ESPN: variants seen among roughly 807,000 people sequenced by gnomAD.
ESPN encodes the protein autosomal recessive deafness type 36 protein.
In ESPN, 68 loss-of-function variants were observed where a neutral mutation model predicts 77.7. The ratio of observed to expected loss-of-function variants is 0.87; its 90% confidence interval spans 0.72 to 1.07. The LOEUF (loss-of-function observed/expected upper bound fraction) is 1.07. ESPN is among the 50% of genes least tolerant of loss of function. ESPN has a pLI of 0.00. For synonymous variants in ESPN, 449 were observed against 567.1 expected (o/e 0.79, Z 2.96); for missense variants, 1,060 against 1,239.0 (o/e 0.86, Z 2.17).
intron 12 of ESPN, among the ~76,000 whole-genome samples, chr1:6,458,472 C>A (rs185215208): frequency 1.3e-3 from 195 of 151,376 alleles, no homozygotes; most frequent in African/African-American, 4.4e-3. Context: ...CCCGCCACCA[C>A]GCCCGGCTAA....
At position 6,450,832 on chromosome 1, in the gene ESPN, C is replaced by T. The variant is rs1429617349; in HGVS notation, c.1916-771C>T. On this transcript the variant is annotated intron_variant, in intron 8 of 12. Coordinates refer to ENST00000645284, the MANE Select transcript of ESPN (RefSeq NM_031475.3). This position sits in a 1 kb window ranked among gnomAD's most constrained non-coding sequence, Gnocchi z 4.3. ...CCCATTTTATTCCTCCCTCCCAGACCTGACCCCTTCATCGGGGCTCAAGAG... is the reference window on the plus strand; with the variant it reads ...CCCATTTTATTCCTCCCTCCCAGACTTGACCCCTTCATCGGGGCTCAAGAG... Among the ~76,000 whole-genome samples, 1 of 152,180 alleles carries T rather than the reference C, an allele frequency of 6.6e-6. No individual in the cohort carries two copies. The highest frequency in any genetic ancestry group is 2.4e-5 in the African/African-American group (1 of 41,428).
At chr1:6,454,723 C>G in intron 10 of ESPN, 1 of 398,330 alleles carries the variant, frequency 2.5e-6, no homozygotes, top group Non-Finnish European at 4.4e-6. Context: ...AGCCTGCCCG[C>G]CTGGTGCAGC....
chr1:6,446,354 G>A (rs1643840028), intron 7 of ESPN, among the ~76,000 whole-genome samples: 1 of 152,240 alleles, frequency 6.6e-6, no homozygotes, highest in South Asian at 2.1e-4. Flanking sequence ...CTGCCAGGTG[G>A]AAGGTGCCAG....
At position 6,425,261 on chromosome 1, in the gene ESPN, C is replaced by G; in HGVS notation, c.294+12C>G. On this transcript the variant is annotated intron_variant, in intron 1 of 12. Transcript: ENST00000645284. ...GCTGCAGAGTGCAGGTGGGTCCGCGCGGTTCGCCAGGGGCACTGAGGCTTC... is the reference window on the plus strand; with the variant it reads ...GCTGCAGAGTGCAGGTGGGTCCGCGGGGTTCGCCAGGGGCACTGAGGCTTC... The G allele has an allele frequency of 6.4e-7, 1 of 1,567,516 alleles. No homozygotes were observed. The highest frequency in any genetic ancestry group is 8.6e-7 in the Non-Finnish European group (1 of 1,165,188).
rs1643918328 is a variant in ESPN at position 6,450,062 on chromosome 1, C to T, written c.1915+971C>T. 6.6e-6 allele frequency among the ~76,000 whole-genome samples: 1 copy of T among 152,202 alleles called. No homozygotes were observed. Among genetic ancestry groups the T allele is most frequent in the Non-Finnish European group, 1.5e-5 (1 of 68,030 alleles). ...ACCTGCCGAACCTCCTTCTTCCCTC[C>T]ACAGCCTGCAGCAGGGCTGAAGCTA... is the stretch of plus-strand genomic sequence containing the variant. On this transcript the variant is annotated intron_variant, in intron 8 of 12. Transcript: ENST00000645284. The surrounding 1 kb of genome is among the most constrained non-coding windows in gnomAD (Gnocchi z 4.3).
At position 6,457,447 on chromosome 1, in the gene ESPN, C is replaced by T. The variant is rs887551378; in HGVS notation, c.2417+75C>T. ...GCAGAGGGTCGTCCCTTCATCCAGG[C>T]CAATTTGAGTACATCCTCCTGTCTC... On this transcript the variant is annotated intron_variant, in intron 12 of 12. Coordinates refer to ENST00000645284, the MANE Select transcript of ESPN (RefSeq NM_031475.3). The T allele has an allele frequency of 2.5e-6, 4 of 1,578,890 alleles. No homozygotes were observed. The East Asian group carries it at 6.7e-5, about 26-fold the overall frequency.
At position 6,440,638 on chromosome 1, in the gene ESPN, G is replaced by C; in HGVS notation, c.688G>C (p.Asp230His). The C allele has an allele frequency of 1.2e-6, 1 of 838,678 alleles. No individual in the cohort carries two copies. The highest frequency in any genetic ancestry group is 1.7e-5 in the African/African-American group (1 of 57,186). The allele number at this position is 838,678 out of a possible 1,614,324, so 52.0% of individuals were successfully genotyped here. The change falls in exon 4 of 13, where the codon GAC becomes CAC. Residue 230 changes from aspartate (D) to histidine (H), a missense_variant. By Grantham distance (81) the Asp-to-His change is moderately conservative (BLOSUM62 -1). Coordinates refer to ENST00000645284, the MANE Select transcript of ESPN (RefSeq NM_031475.3). ...CCGTCCCGCCCAGGTGAGCTGCACC[G>C]ACGTGAGCCTGTCCGAGCAGGACAA... ...PVIVWLVSCT[D>H]VSLSEQDKDG...
Position 6,459,979 on chromosome 1 carries a change from C to T in ESPN, c.2418-20C>T, listed in dbSNP as rs373919355. On this transcript the variant is annotated intron_variant, in intron 12 of 12. Transcript: ENST00000645284. Reference sequence around the variant, plus strand: ...TGGCCCCAGACTTCACCGGGTCTGCCCCCCTCCCCACTGCCTCAGGAAAGA... The same window carrying T: ...TGGCCCCAGACTTCACCGGGTCTGCTCCCCTCCCCACTGCCTCAGGAAAGA... 254 of 1,613,148 alleles carry T rather than the reference C, an allele frequency of 1.6e-4. No individual in the cohort carries two copies. The African/African-American group carries it at 3.0e-3, about 19-fold the overall frequency.
chr1:6,440,995 C>T lies in ESPN; in HGVS notation c.920C>T (p.Thr307Met), dbSNP rs762014900. Residue 307 changes from threonine to methionine, a missense_variant, in exon 5 of 13, where the codon ACG (threonine) becomes ATG (methionine). By Grantham distance (81) the Thr-to-Met change is moderately conservative. This residue lies in a region of ESPN where 556 missense variants were observed against 633.6 expected (regional missense o/e 0.88). Coordinates refer to ENST00000645284, the MANE Select transcript of ESPN (RefSeq NM_031475.3). The part of the protein sequence containing the change: ...ELDVRDRDGY[T>M]AADLSDFNGH... Reference sequence around the variant, plus strand: ...GACGTCCGCGACCGCGACGGGTACACGGCCGCCGACCTGTCGGACTTCAAC... The same window carrying T: ...GACGTCCGCGACCGCGACGGGTACATGGCCGCCGACCTGTCGGACTTCAAC... 4 of 1,608,804 alleles carry T rather than the reference C, an allele frequency of 2.5e-6. No individual in the cohort carries two copies. Among genetic ancestry groups the T allele is most frequent in the Admixed American group, 1.7e-5 (1 of 59,626 alleles).
At chr1:6,430,400 G>A (rs375513475) in intron 2 of ESPN, among the ~76,000 whole-genome samples, 9 of 152,318 alleles carry the variant, frequency 5.9e-5, no homozygotes, top group East Asian at 5.8e-4. Context: ...GGACAGCCTC[G>A]GGGAAGCTCA....
Position 6,444,655 on chromosome 1 carries a change from A to C in ESPN, c.1165A>C (p.Ser389Arg). 6.2e-7 allele frequency: 1 copy of C among 1,614,186 alleles called. No individual in the cohort carries two copies. Residue 389 changes from serine to arginine, a missense_variant, in exon 6 of 13, where the codon AGC (serine) becomes CGC (arginine). Transcript: ENST00000645284. ...CGACTCCTGCTCCTCCAGCCACTCC[A>C]GCATCAAGGGCCAGCACCCTCCATG... is the stretch of plus-strand genomic sequence containing the variant. ...NYDSCSSSHS[S>R]IKGQHPPCGL...
In ESPN at chr1:6,451,418, AG is replaced by A. The variant is rs1480612015; in HGVS notation, c.1916-182del. On this transcript the variant is annotated intron_variant, in intron 8 of 12. Coordinates refer to ENST00000645284, the MANE Select transcript of ESPN (RefSeq NM_031475.3). The surrounding 1 kb of genome is among the most constrained non-coding windows in gnomAD (Gnocchi z 4.3). Reference sequence around the variant, plus strand: ...TGGGGTTGCCACAGTCAGGGAACCAAGGGCCCGCCTCTGGGGGCCCTGAAAC... The same window carrying A: ...TGGGGTTGCCACAGTCAGGGAACCAAGGCCCGCCTCTGGGGGCCCTGAAAC... 10 of 759,696 alleles carry A rather than the reference AG, an allele frequency of 1.3e-5. No individual in the cohort carries two copies. The Admixed American group carries it at 1.7e-4, about 13-fold the overall frequency. 47.1% of individuals were successfully genotyped at this position (759,696 alleles called of 1,614,324 possible).
In ESPN at chr1:6,444,688, TG is replaced by T. The variant is rs1275666456; in HGVS notation, c.1192+7del. 1.2e-6 allele frequency: 2 copies of T among 1,613,844 alleles called. No homozygotes were observed. Among genetic ancestry groups the T allele is most frequent in the East Asian group, 4.5e-5 (2 of 44,886 alleles). ...GGGCCAGCACCCTCCATGTGGTGAGTGTGCCCAGGAGGAAGACGGGGAGGGA... is the reference window on the plus strand; with the variant it reads ...GGGCCAGCACCCTCCATGTGGTGAGTTGCCCAGGAGGAAGACGGGGAGGGA... On this transcript the variant is annotated splice_region_variant and intron_variant, in intron 6 of 12. Transcript: ENST00000645284.
downstream of ESPN, chr1:6,461,258 C>A (rs1375746989): frequency 1.2e-6 from 1 of 830,952 alleles, no homozygotes; most frequent in Non-Finnish European, 2.0e-6. This position sits in a 1 kb window ranked among gnomAD's most constrained non-coding sequence, Gnocchi z 6.3. Flanking sequence ...TTCGTTCGTG[C>A]TTCTTCGCCT....
At position 6,424,783 on chromosome 1, in the gene ESPN, G is replaced by GGCGGA. The variant is rs1251432819; in HGVS notation, c.-164_-160dup. 4.2e-5 allele frequency: 28 copies of GGCGGA among 664,980 alleles called. No individual in the cohort carries two copies. Among genetic ancestry groups the GGCGGA allele is most frequent in the Non-Finnish European group, 5.8e-5 (28 of 482,244 alleles). 41.2% of individuals were successfully genotyped at this position (664,980 alleles called of 1,614,324 possible). ...TCCGCGGGCTCCGGCCCCAGAGCGC[G>GGCGGA]GCGGAGCGGAGCGCCAGGCAGCGCG... On this transcript the variant is annotated 5_prime_UTR_variant, in exon 1 of 13. Coordinates refer to ENST00000645284, the MANE Select transcript of ESPN (RefSeq NM_031475.3).
chr1:6,460,984 A>C (rs533147451), downstream of ESPN: 15 of 377,632 alleles, frequency 4.0e-5, no homozygotes, highest in African/African-American at 3.0e-4. Flanking sequence ...TCTCGGGGTA[A>C]TTGAGCCAGA....
At chr1:6,458,024 AAAAAAT>A (rs1256096086) in intron 12 of ESPN, among the ~76,000 whole-genome samples, 15 of 151,688 alleles carry the variant, frequency 9.9e-5, no homozygotes, top group African/African-American at 3.6e-4. Context: ...AAAAAAAAAA[AAAAAAT>A]TTTTTTTTGA....
At chr1:6,452,145 C>G (rs1209702071) in intron 10 of ESPN, 49 bp downstream of exon 10, 6 of 1,500,240 alleles carry the variant, frequency 4.0e-6, no homozygotes, top group Non-Finnish European at 5.3e-6. Flanking sequence ...CATCTGGATG[C>G]ACAGCCCATC....
chr1:6,451,891 C>G lies in ESPN; in HGVS notation c.2120C>G (p.Pro707Arg). Residue 707 changes from proline (P) to arginine (R), a missense_variant, in exon 10 of 13, where the codon CCG (proline) becomes CGG (arginine). Physicochemically the swap from Pro to Arg is moderately radical, Grantham distance 103. Coordinates refer to ENST00000645284, the MANE Select transcript of ESPN (RefSeq NM_031475.3). This position sits in a 1 kb window ranked among gnomAD's most constrained non-coding sequence, Gnocchi z 4.3. ...PALSPVRSPTPPAAGFQPLLN... is the reference protein window; with the variant it reads ...PALSPVRSPTRPAAGFQPLLN... Reference sequence around the variant, plus strand: ...CTGTCACCAGTCCGGAGCCCCACACCGCCAGCTGCGGGGTTTCAGCCGCTG... The same window carrying G: ...CTGTCACCAGTCCGGAGCCCCACACGGCCAGCTGCGGGGTTTCAGCCGCTG... The G allele has an allele frequency of 2.5e-6, 4 of 1,610,962 alleles. No individual in the cohort carries two copies. The highest frequency in any genetic ancestry group is 3.4e-6 in the Non-Finnish European group (4 of 1,178,878).
Sources: allele counts gnomAD v4.1 joint callset (sites outside exome capture counted in the v4.1 genomes callset), GRCh38; gene constraint gnomAD v4.1.1; regional missense constraint gnomAD v4.1.1; non-coding constraint Gnocchi (gnomAD v3.1); transcripts MANE v1.5; gene names NCBI Gene and HGNC (gene_info 2026-07-23, HGNC 2026-07-21).